Variants in CHD3 observed in about 807,000 individuals in gnomAD.
CHD3 encodes the protein ATP-dependent chromatin remodeler CHD3.
A neutral mutation model predicts 248.9 loss-of-function variants in CHD3; 52 were observed. The observed-to-expected ratio is 0.21, with a 90% CI of 0.17 to 0.26. CHD3 has a LOEUF of 0.26. Ranked by LOEUF, CHD3 falls within the 10% of genes least tolerant of loss-of-function variation. CHD3 has a pLI of 1.00. For synonymous variants in CHD3, 985 were observed against 985.2 expected, an observed-to-expected ratio of 1.00 and a Z score of 0.00; for missense variants, 1,482 against 2,605.8, an observed-to-expected ratio of 0.57 and a Z score of 9.39.
Position 7,897,895 on chromosome 17 carries a change from T to G in CHD3, c.1920-76T>G. ...TTTGTGTGTTTGCTGATAATTGCGT[T>G]TCTCAGGCCTTCTTTCTGTTTGTGA... On this transcript the variant is annotated intron_variant, in intron 11 of 39. Transcript: ENST00000330494. The surrounding 1 kb of genome is among the most constrained non-coding windows in gnomAD (Gnocchi z 4.8). 6.7e-7 allele frequency: 1 copy of G among 1,492,710 alleles called. No homozygotes were observed. Among genetic ancestry groups the G allele is most frequent in the Non-Finnish European group, 9.0e-7 (1 of 1,109,740 alleles). The allele number at this position is 1,492,710 out of a possible 1,614,324, so 92.5% of individuals were successfully genotyped here.
chr17:7,906,637 G>A lies in CHD3; in HGVS notation c.4443G>A (p.Glu1481=). 6.2e-7 allele frequency: 1 copy of A among 1,613,676 alleles called. No individual in the cohort carries two copies. Among genetic ancestry groups the A allele is most frequent in the Non-Finnish European group, 8.5e-7 (1 of 1,179,866 alleles). Reference sequence around the variant, plus strand: ...CCTTTGCCGATGGGGTCCCTCGGGAGGGACTGAGTCGCCAGCAGGTGTTGA... The same window carrying A: ...CCTTTGCCGATGGGGTCCCTCGGGAAGGACTGAGTCGCCAGCAGGTGTTGA... ...SETFADGVPR[E]GLSRQQVLTR... is the part of the protein sequence containing the mutation. Residue 1481 remains glutamate, a synonymous_variant, in exon 29 of 40, where the codon GAG becomes GAA. Transcript: ENST00000330494. This position sits in a 1 kb window ranked among gnomAD's most constrained non-coding sequence, Gnocchi z 5.0.
At position 7,905,407 on chromosome 17, in the gene CHD3, C is replaced by G; in HGVS notation, c.4139-214C>G. 1.6e-6 allele frequency: 1 copy of G among 616,186 alleles called. No homozygotes were observed. The highest frequency in any genetic ancestry group is 2.9e-6 in the Non-Finnish European group (1 of 347,602). 38.2% of individuals were successfully genotyped at this position (616,186 alleles called of 1,614,324 possible). ...TTCCATTCCCACTGGTAATCTGGGC[C>G]TTTGTCAGATATCAGCTGTTAATTT... On this transcript the variant is annotated intron_variant, in intron 26 of 39. Transcript: ENST00000330494. The surrounding 1 kb of genome is among the most constrained non-coding windows in gnomAD (Gnocchi z 5.8).
chr17:7,900,439 A>G lies in CHD3; in HGVS notation c.2804+28A>G. 1 of 1,614,080 alleles carries G rather than the reference A, an allele frequency of 6.2e-7. No individual in the cohort carries two copies. Among genetic ancestry groups the G allele is most frequent in the Non-Finnish European group, 8.5e-7 (1 of 1,179,988 alleles). ...AAGTGGTTCCCTAAGGGTAGTTGGC[A>G]GAGATGAGAGGTGGAGCAGATAAAA... On this transcript the variant is annotated intron_variant, in intron 17 of 39. Transcript: ENST00000330494. The surrounding 1 kb of genome is among the most constrained non-coding windows in gnomAD (Gnocchi z 6.5).
rs1466008791 is a variant in CHD3, at chr17:7,900,814, T to C, written c.2979-38T>C. 6.2e-7 allele frequency: 1 copy of C among 1,611,802 alleles called. No individual in the cohort carries two copies. On this transcript the variant is annotated intron_variant, in intron 18 of 39. Transcript: ENST00000330494. The surrounding 1 kb of genome is among the most constrained non-coding windows in gnomAD (Gnocchi z 6.5). ...AGTGCAATATCATAATTGCTTCCTT[T>C]ATTTATGTTTCTTTTACACCCCTTT...
Position 7,905,058 on chromosome 17 carries a change from C to A in CHD3, c.4073-42C>A. 6.3e-7 allele frequency: 1 copy of A among 1,584,884 alleles called. No individual in the cohort carries two copies. The highest frequency in any genetic ancestry group is 8.7e-7 in the Non-Finnish European group (1 of 1,153,428). ...AAAGGGCCTCAGCATGGGCATATCC[C>A]GAGAGCCCTCCCTGACCACTGGGCC... On this transcript the variant is annotated intron_variant, in intron 25 of 39. Coordinates refer to ENST00000330494, the MANE Select transcript of CHD3 (RefSeq NM_001005273.3). The surrounding 1 kb of genome is among the most constrained non-coding windows in gnomAD (Gnocchi z 5.8).
chr17:7,898,349 C>A, intron 12 of CHD3, 147 bp from the exon 13 acceptor site: 1 of 727,224 alleles, frequency 1.4e-6, no homozygotes, highest in Non-Finnish European at 2.3e-6. Context: ...AGGTGAAATC[C>A]AAAGGGCAAG....
chr17:7,898,916 T>C, intron 13 of CHD3, 95 bp from the exon 14 acceptor site: 1 of 1,109,126 alleles, frequency 9.0e-7, no homozygotes, highest in Non-Finnish European at 1.4e-6. Context: ...GAGGGAATTG[T>C]AATCCAACTT....
chr17:7,903,734 C>T lies in CHD3; in HGVS notation c.3728-91C>T, dbSNP rs1970576234. 1.4e-6 allele frequency: 2 copies of T among 1,392,398 alleles called. No individual in the cohort carries two copies. Among genetic ancestry groups the T allele is most frequent in the Non-Finnish European group, 9.9e-7 (1 of 1,015,086 alleles). 86.3% of individuals were successfully genotyped at this position (1,392,398 alleles called of 1,614,324 possible). Reference sequence around the variant, plus strand: ...CCCGGGGAAAAAGCCTTCTCTAGGGCTCCTGTGAAAAGGACGCAGAGTAGA... The same window carrying T: ...CCCGGGGAAAAAGCCTTCTCTAGGGTTCCTGTGAAAAGGACGCAGAGTAGA... On this transcript the variant is annotated intron_variant, in intron 23 of 39. Transcript: ENST00000330494. The surrounding 1 kb of genome is among the most constrained non-coding windows in gnomAD (Gnocchi z 6.8).
In CHD3 at chr17:7,894,137, G is replaced by A; in HGVS notation, c.947G>A (p.Gly316Asp). ...CAGTATGTTTTTCAGAGCGACGAAGGTCCTGAACCAGAGGCTGAGGAATCA... is the reference window on the plus strand; with the variant it reads ...CAGTATGTTTTTCAGAGCGACGAAGATCCTGAACCAGAGGCTGAGGAATCA... Reference protein sequence around the residue: ...GGSYVFQSDEGPEPEAEESDL... With the variant: ...GGSYVFQSDEDPEPEAEESDL... The change falls in exon 7 of 40, where the codon GGT becomes GAT. Residue 316 changes from glycine (G) to aspartate (D), a missense_variant. This residue lies in a region of CHD3 where 149 missense variants were observed against 182.6 expected (regional missense o/e 0.82). Coordinates refer to ENST00000330494, the MANE Select transcript of CHD3 (RefSeq NM_001005273.3). 2 of 1,613,194 alleles carry A rather than the reference G, an allele frequency of 1.2e-6. No individual in the cohort carries two copies. The highest frequency in any genetic ancestry group is 1.7e-6 in the Non-Finnish European group (2 of 1,179,552).
upstream of CHD3, among the ~76,000 whole-genome samples, chr17:7,886,048 G>A (rs1967894984): frequency 6.6e-6 from 1 of 152,164 alleles, no homozygotes; most frequent in African/African-American, 2.4e-5. The surrounding 1 kb of genome is among the most constrained non-coding windows in gnomAD (Gnocchi z 4.2). Flanking sequence ...CCGTCAGTCT[G>A]GGGTGGCCAA....
At position 7,908,946 on chromosome 17, in the gene CHD3, C is replaced by A; in HGVS notation, c.5394+117C>A. ...TTCAGGGCTGAGGTGATACCTGGGG[C>A]CAAGACCAAAGTGTAACCTTGTGCT... On this transcript the variant is annotated intron_variant, in intron 36 of 39. Coordinates refer to ENST00000330494, the MANE Select transcript of CHD3 (RefSeq NM_001005273.3). This position sits in a 1 kb window ranked among gnomAD's most constrained non-coding sequence, Gnocchi z 5.8. The A allele has an allele frequency of 6.8e-7, 1 of 1,466,138 alleles. No homozygotes were observed. Among genetic ancestry groups the A allele is most frequent in the East Asian group, 2.3e-5 (1 of 44,034 alleles). 90.8% of individuals were successfully genotyped at this position (1,466,138 alleles called of 1,614,324 possible). A position where few individuals can be genotyped will look rare whatever the true frequency, so the allele number is the denominator to read the frequency against.
chr17:7,886,691 GT>G (rs1323958955), upstream of CHD3, among the ~76,000 whole-genome samples: 12 of 152,150 alleles, frequency 7.9e-5, no homozygotes, highest in Non-Finnish European at 1.6e-4. The surrounding 1 kb of genome is among the most constrained non-coding windows in gnomAD (Gnocchi z 4.2). Flanking sequence ...ATGAGGAGTT[GT>G]GGGGAGAGGG....
chr17:7,890,956 C>T lies in CHD3; in HGVS notation c.401C>T (p.Ser134Leu). 1 of 1,614,078 alleles carries T rather than the reference C, an allele frequency of 6.2e-7. No individual in the cohort carries two copies. The highest frequency in any genetic ancestry group is 8.5e-7 in the Non-Finnish European group (1 of 1,180,022). ...CTCCCGCAGCAAGTGGAACAGAAGT[C>T]ATCAGCAACTCTGCTTCTGACCTGG... ...DGGQKQVEQK[S>L]SATLLLTWGL... The change falls in exon 4 of 40, where the codon TCA (serine) becomes TTA (leucine). Residue 134 changes from serine to leucine, a missense_variant. This residue lies in a region of CHD3 where 169 missense variants were observed against 168.1 expected (regional missense o/e 1.01). Transcript: ENST00000330494.
Position 7,905,870 on chromosome 17 carries a change from C to T in CHD3, c.4239C>T (p.Asn1413=), listed in dbSNP as rs752783832. 7.4e-6 allele frequency: 12 copies of T among 1,614,204 alleles called. No individual in the cohort carries two copies. Among genetic ancestry groups the T allele is most frequent in the South Asian group, 1.1e-5 (1 of 91,086 alleles). ...VGGNIEVLGF[N]TRQRKAFLNA... is the part of the protein sequence containing the mutation. ...CCCACCCTCAGGTGCTGGGCTTCAA[C>T]ACCCGTCAGCGGAAGGCTTTCCTCA... Residue 1413 remains asparagine (N), a synonymous_variant, in exon 28 of 40, where the codon AAC becomes AAT. Transcript: ENST00000330494. The surrounding 1 kb of genome is among the most constrained non-coding windows in gnomAD (Gnocchi z 5.8).
chr17:7,904,757 TAG>T lies in CHD3; in HGVS notation c.4072+141_4072+142del. 1 of 868,952 alleles carries T rather than the reference TAG, an allele frequency of 1.2e-6. No individual in the cohort carries two copies. The highest frequency in any genetic ancestry group is 1.8e-5 in the South Asian group (1 of 54,544). The allele number at this position is 868,952 out of a possible 1,614,324, so 53.8% of individuals were successfully genotyped here. ...TCTGCTAAAAGGGAAAGACATAAGG[TAG>T]AGTCATTAGGAACTACCCAGAGGCC... On this transcript the variant is annotated intron_variant, in intron 25 of 39. Transcript: ENST00000330494. The surrounding 1 kb of genome is among the most constrained non-coding windows in gnomAD (Gnocchi z 4.4).
In CHD3 at chr17:7,909,641, T is replaced by G. The variant is rs1019832155; in HGVS notation, c.5590+303T>G. On this transcript the variant is annotated intron_variant, in intron 37 of 39. Coordinates refer to ENST00000330494, the MANE Select transcript of CHD3 (RefSeq NM_001005273.3). This position sits in a 1 kb window ranked among gnomAD's most constrained non-coding sequence, Gnocchi z 8.1. ...TTCACTGGCAGTGGAACTGCATGCC[T>G]GCCATACTGCTTAACATCATCCAGT... is the stretch of plus-strand genomic sequence containing the variant. 3 of 456,622 alleles carry G rather than the reference T, an allele frequency of 6.6e-6. No individual in the cohort carries two copies. Among genetic ancestry groups the G allele is most frequent in the African/African-American group, 6.2e-5 (3 of 48,688 alleles). The allele number at this position is 456,622 out of a possible 1,614,324, so 28.3% of individuals were successfully genotyped here.
rs1298001868 is a variant in CHD3 at position 7,889,859 on chromosome 17, C to T, written c.213+83C>T. 1.3e-5 allele frequency: 17 copies of T among 1,343,492 alleles called. No individual in the cohort carries two copies. Among genetic ancestry groups the T allele is most frequent in the Non-Finnish European group, 1.8e-5 (17 of 961,498 alleles). 83.2% of individuals were successfully genotyped at this position (1,343,492 alleles called of 1,614,324 possible). A position where few individuals can be genotyped will look rare whatever the true frequency, so the allele number is the denominator to read the frequency against. ...CCTACATTTTCTCTGGTCCTGATTA[C>T]TGGTGTGGGGGTGGGGTTCTGAAGC... On this transcript the variant is annotated intron_variant, in intron 2 of 39. Coordinates refer to ENST00000330494, the MANE Select transcript of CHD3 (RefSeq NM_001005273.3). The surrounding 1 kb of genome is among the most constrained non-coding windows in gnomAD (Gnocchi z 4.5).
chr17:7,908,478 A>G lies in CHD3; in HGVS notation c.5229A>G (p.Arg1743=). 1.2e-6 allele frequency: 2 copies of G among 1,613,926 alleles called. No homozygotes were observed. The highest frequency in any genetic ancestry group is 1.7e-6 in the Non-Finnish European group (2 of 1,179,842). The change falls in exon 35 of 40, where the codon AGA becomes AGG. Residue 1743 remains arginine, a synonymous_variant. Transcript: ENST00000330494. The surrounding 1 kb of genome is among the most constrained non-coding windows in gnomAD (Gnocchi z 5.8). ...AACTCAATGAGATCTGGCACAGAAG[A>G]CATGACTATTGGCTTCTGGCTGGGA... is the stretch of plus-strand genomic sequence containing the variant. The part of the protein sequence containing the change: ...SGKLNEIWHR[R]HDYWLLAGIV...
rs149562838 is a variant in CHD3, at chr17:7,899,056, G to A, written c.2197G>A (p.Gly733Arg). 1.5e-4 allele frequency: 245 copies of A among 1,614,136 alleles called. 1 individual carries two copies. The South Asian group carries it at 2.4e-3, about 16-fold the overall frequency. ...TCAGCCACGGTTTATCACAGCCACT[G>A]GAGGCACCCTGCACATGTATCAGTT... ...ETQPRFITAT[G>R]GTLHMYQLEG... Residue 733 changes from glycine (G) to arginine (R), a missense_variant, in exon 14 of 40, where the codon GGA becomes AGA. Gly to Arg is a moderately radical substitution (Grantham distance 125, BLOSUM62 -2). This residue lies in a region of CHD3 where 127 missense variants were observed against 188.3 expected (regional missense o/e 0.67). Coordinates refer to ENST00000330494, the MANE Select transcript of CHD3 (RefSeq NM_001005273.3). The surrounding 1 kb of genome is among the most constrained non-coding windows in gnomAD (Gnocchi z 6.8).
Sources: allele counts gnomAD v4.1 joint callset (sites outside exome capture counted in the v4.1 genomes callset), GRCh38; gene constraint gnomAD v4.1.1; regional missense constraint gnomAD v4.1.1; non-coding constraint Gnocchi (gnomAD v3.1); transcripts MANE v1.5; gene names NCBI Gene and HGNC (gene_info 2026-07-23, HGNC 2026-07-21).